The following SLC1A1 variants were observed in gnomAD, a reference collection of about 807,000 sequenced individuals.
SLC1A1 encodes excitatory amino acid transporter 3.
Under a neutral mutation model 53.3 loss-of-function variants are expected in SLC1A1, and 43 were observed. The observed-to-expected ratio is 0.81, with a 90% CI of 0.63 to 1.04. The LOEUF is 1.04. Among genes scored for constraint, SLC1A1 ranks in the 50% least tolerant of loss-of-function variants. The pLI, the probability that SLC1A1 is intolerant of heterozygous loss-of-function variation, is 0.00. For synonymous variants in SLC1A1, 307 were observed against 243.2 expected, an observed-to-expected ratio of 1.26 and a Z score of -2.44; for missense variants, 748 against 664.9, an observed-to-expected ratio of 1.12 and a Z score of -1.37.
At chr9:4,582,858 C>CA (rs748031916) in intron 10 of SLC1A1, among the ~76,000 whole-genome samples, 180 bp from the exon 11 acceptor site, 7 of 152,180 alleles carry the variant, frequency 4.6e-5, no homozygotes, top group Non-Finnish European at 8.8e-5. Flanking sequence ...CCCCTCCCCC[C>CA]ACAGCTCTAA....
intron 1 of SLC1A1, among the ~76,000 whole-genome samples, chr9:4,497,291 C>T (rs549330866): frequency 8.5e-5 from 13 of 152,228 alleles, no homozygotes; most frequent in African/African-American, 9.6e-5. Context: ...AGGGCAGAGC[C>T]GGGATTCAAA....
intron 2 of SLC1A1, among the ~76,000 whole-genome samples, chr9:4,547,844 C>A (rs1043181464): frequency 6.6e-6 from 1 of 150,464 alleles, no homozygotes; most frequent in Non-Finnish European, 1.5e-5. Context: ...TCATACTAAG[C>A]AACTATTAAA....
chr9:4,550,913 C>T (rs376179589), intron 2 of SLC1A1, among the ~76,000 whole-genome samples: 17 of 152,072 alleles, frequency 1.1e-4, no homozygotes, highest in African/African-American at 4.1e-4. Context: ...AGCCACAGAC[C>T]GTATGTAAAT....
intron 6 of SLC1A1, among the ~76,000 whole-genome samples, chr9:4,569,053 G>A (rs1819775367): frequency 6.6e-6 from 1 of 152,076 alleles, no homozygotes; most frequent in South Asian, 2.1e-4. Flanking sequence ...TAACTACCAG[G>A]AATAGAGAGA....
At chr9:4,552,183 C>G (rs891940227) in intron 2 of SLC1A1, among the ~76,000 whole-genome samples, 1 of 152,122 alleles carries the variant, frequency 6.6e-6, no homozygotes, top group Non-Finnish European at 1.5e-5. Flanking sequence ...GAAGACCATT[C>G]GTTCATTTAT....
At position 4,514,841 on chromosome 9, in the gene SLC1A1, C is replaced by A. The variant is rs368529032; in HGVS notation, c.91+24071C>A. On this transcript the variant is annotated intron_variant, in intron 1 of 11. Coordinates refer to ENST00000262352, the MANE Select transcript of SLC1A1 (RefSeq NM_004170.6). ...GAGTTTTAGGAAGTTGATGAAGTAG[C>A]CTTGGTGAGAAATGCAGCGGACCTG... Among the ~76,000 whole-genome samples the A allele has an allele frequency of 2.0e-5, 3 of 152,166 alleles. No individual in the cohort carries two copies. The East Asian group carries it at 5.8e-4, about 29-fold the overall frequency.
intron 1 of SLC1A1, among the ~76,000 whole-genome samples, chr9:4,524,069 T>A (rs1449352356): frequency 6.6e-6 from 1 of 152,222 alleles, no homozygotes; most frequent in Admixed American, 6.5e-5. Context: ...TATTTCCCCA[T>A]TTGGCCAATG....
chr9:4,503,086 G>A (rs1820689337), intron 1 of SLC1A1, among the ~76,000 whole-genome samples: 1 of 151,668 alleles, frequency 6.6e-6, no homozygotes, highest in Admixed American at 6.6e-5. Flanking sequence ...GACTGCAGTT[G>A]GAGATAATCT....
chr9:4,582,216 A>C (rs1821163472), intron 10 of SLC1A1, among the ~76,000 whole-genome samples: 1 of 152,162 alleles, frequency 6.6e-6, no homozygotes, highest in Admixed American at 6.5e-5. Context: ...CAAAGAAAAA[A>C]ATCCCTACTG....
intron 1 of SLC1A1, among the ~76,000 whole-genome samples, chr9:4,540,244 A>G (rs1816891537): frequency 6.6e-6 from 1 of 152,040 alleles, no homozygotes; most frequent in African/African-American, 2.4e-5. Context: ...ATCCCGCTCC[A>G]TCCCCTTTTC....
chr9:4,535,410 A>C (rs1816637015), intron 1 of SLC1A1, among the ~76,000 whole-genome samples: 1 of 152,190 alleles, frequency 6.6e-6, no homozygotes. Context: ...CTTATACACC[A>C]ATAACAGACA....
Position 4,490,773 on chromosome 9 carries a change from G to A in SLC1A1, c.91+3G>A. On this transcript the variant is annotated splice_donor_region_variant and intron_variant, in intron 1 of 11. Transcript: ENST00000262352. ...CACCGTGGCCGCGGTGGTGCTAGGT[G>A]AGCGGCGCGGCGGGTGGGCGATGCG... The A allele has an allele frequency of 6.2e-7, 1 of 1,610,776 alleles. No individual in the cohort carries two copies. The highest frequency in any genetic ancestry group is 8.5e-7 in the Non-Finnish European group (1 of 1,177,704).
At chr9:4,544,074 G>A (rs1163945487) in intron 1 of SLC1A1, among the ~76,000 whole-genome samples, 1 of 152,142 alleles carries the variant, frequency 6.6e-6, no homozygotes, top group Non-Finnish European at 1.5e-5. Context: ...TACTCGGGAG[G>A]CTGAGGTGGG....
chr9:4,537,996 C>T (rs1465524669), intron 1 of SLC1A1, among the ~76,000 whole-genome samples: 2 of 152,086 alleles, frequency 1.3e-5, no homozygotes, highest in East Asian at 1.9e-4. Context: ...CAGCAGAATA[C>T]AGATTGTAAA....
At chr9:4,531,743 C>T (rs751302873) in intron 1 of SLC1A1, among the ~76,000 whole-genome samples, 1 of 152,180 alleles carries the variant, frequency 6.6e-6, no homozygotes, top group Non-Finnish European at 1.5e-5. Context: ...CATCTGAGAA[C>T]AGGCAGACAG....
At chr9:4,501,820 G>A (rs968976916) in intron 1 of SLC1A1, among the ~76,000 whole-genome samples, 1 of 151,568 alleles carries the variant, frequency 6.6e-6, no homozygotes, top group Non-Finnish European at 1.5e-5. Flanking sequence ...ACTCAACCAA[G>A]GGGGAAATCC....
chr9:4,534,633 A>G, intron 1 of SLC1A1, among the ~76,000 whole-genome samples: 1 of 152,106 alleles, frequency 6.6e-6, no homozygotes, highest in Non-Finnish European at 1.5e-5. Context: ...TACCAGAGGT[A>G]CAAGGAGGTG....
At chr9:4,509,513 G>C (rs547772686) in intron 1 of SLC1A1, among the ~76,000 whole-genome samples, 1 of 151,900 alleles carries the variant, frequency 6.6e-6, no homozygotes, top group Admixed American at 6.6e-5. Flanking sequence ...CCAAAAGGCA[G>C]GGCCTATGTG....
intron 1 of SLC1A1, among the ~76,000 whole-genome samples, chr9:4,496,265 A>G (rs7852072): frequency 2.0e-5 from 3 of 152,032 alleles, no homozygotes; most frequent in Non-Finnish European, 4.4e-5. Context: ...CTGAGGAGGA[A>G]GTTCAACAGC....
Sources: gnomAD v4.1 joint callset for allele counts (sites outside exome capture counted in the v4.1 genomes callset) on GRCh38, gnomAD v4.1.1 for gene constraint, MANE v1.5 for transcripts, NCBI Gene and HGNC (gene_info 2026-07-23, HGNC 2026-07-21) for gene names.